The following PHACTR1 variants were observed in gnomAD, a reference collection of about 807,000 sequenced individuals.
PHACTR1 encodes the protein RPEL repeat containing 1.
Under a neutral mutation model 69.2 loss-of-function variants are expected in PHACTR1, and 16 were observed. That is an observed-to-expected ratio of 0.23 (90% CI 0.16 to 0.35). The LOEUF (loss-of-function observed/expected upper bound fraction) is 0.35, where lower values mean the gene tolerates loss of function less well. PHACTR1 is among the 10% of genes least tolerant of loss of function. The probability of loss-of-function intolerance (pLI) is 1.00; values close to 1 mark genes in which losing one functional copy is unlikely to be tolerated. For missense variants in PHACTR1, 510 were observed against 734.7 expected (o/e 0.69, Z 3.54); for synonymous variants, 312 against 284.5 (o/e 1.10, Z -0.97).
intron 4 of PHACTR1, among the ~76,000 whole-genome samples, chr6:12,996,821 A>G (rs1797462606): frequency 1.3e-5 from 2 of 152,240 alleles, no homozygotes; most frequent in South Asian, 4.1e-4. Context: ...AGAAATTCTA[A>G]ATATAATATT....
intron 4 of PHACTR1, among the ~76,000 whole-genome samples, chr6:12,890,048 C>T (rs1784027962): frequency 4.6e-5 from 7 of 152,114 alleles, no homozygotes; most frequent in Admixed American, 4.6e-4. Context: ...GGTGGGGCAG[C>T]AGGAGATGAG....
rs201554952 is a variant in PHACTR1 at position 13,195,779 on chromosome 6, A to AAAAAAAG, written c.665-10035_665-10034insAAAAAGA. Among the ~76,000 whole-genome samples the AAAAAAAG allele has an allele frequency of 2.7e-3, 324 of 118,560 alleles. 26 individuals carry two copies. The highest frequency in any genetic ancestry group is 6.2e-3 in the African/African-American group (192 of 30,938). 77.8% of individuals were successfully genotyped at this position (118,560 alleles called of 152,430 possible). A position where few individuals can be genotyped will look rare whatever the true frequency, so the allele number is the denominator to read the frequency against. On this transcript the variant is annotated intron_variant, in intron 7 of 14. Coordinates refer to ENST00000332995, the MANE Select transcript of PHACTR1 (RefSeq NM_030948.6). ...TCTCAAAAAAAAAAAAAAAAAAAAA[A>AAAAAAAG]AGTTCATTTGTGGTGGTAAGAAGAG... is the stretch of plus-strand genomic sequence containing the variant.
Position 13,247,150 on chromosome 6 carries a change from G to A in PHACTR1, c.1391+16957G>A, listed in dbSNP as rs531351485. ...CATTAAAACAACAGTTATTCAAAAT[G>A]GGCAGCCTCTTTAGTGTCTTTGAAA... On this transcript the variant is annotated intron_variant, in intron 10 of 14. Transcript: ENST00000332995. Among the ~76,000 whole-genome samples the A allele has an allele frequency of 1.1e-3, 173 of 152,202 alleles. 1 individual carries two copies. The highest frequency in any genetic ancestry group is 4.9e-4 in the Non-Finnish European group (33 of 67,998).
intron 5 of PHACTR1, among the ~76,000 whole-genome samples, chr6:13,138,147 C>G (rs1821848826): frequency 1.3e-5 from 2 of 152,068 alleles, no homozygotes; most frequent in South Asian, 4.2e-4. Flanking sequence ...ACTGAAGGGC[C>G]TTAAGGGATG....
At chr6:13,000,375 C>A (rs928025900) in intron 4 of PHACTR1, among the ~76,000 whole-genome samples, 1 of 152,040 alleles carries the variant, frequency 6.6e-6, no homozygotes, top group Non-Finnish European at 1.5e-5. Flanking sequence ...TCGTGAGACC[C>A]CGTCTCTATA....
At chr6:12,792,394 G>A (rs1772411777) in intron 4 of PHACTR1, among the ~76,000 whole-genome samples, 1 of 147,296 alleles carries the variant, frequency 6.8e-6, no homozygotes, top group South Asian at 2.2e-4. Context: ...AACCCGGGAG[G>A]CGGAGGTTGC....
At chr6:12,914,897 T>G (rs1450522252) in intron 4 of PHACTR1, among the ~76,000 whole-genome samples, 1 of 152,158 alleles carries the variant, frequency 6.6e-6, no homozygotes, top group East Asian at 1.9e-4. Flanking sequence ...TGAAGTCCAC[T>G]GGATGATGGA....
At chr6:12,775,216 A>G (rs1351866188) in intron 4 of PHACTR1, among the ~76,000 whole-genome samples, 1 of 152,208 alleles carries the variant, frequency 6.6e-6, no homozygotes, top group Non-Finnish European at 1.5e-5. Context: ...TTTTCAAGTA[A>G]AGAGGTCCTT....
At chr6:12,850,811 C>T (rs1240793161) in intron 4 of PHACTR1, among the ~76,000 whole-genome samples, 1 of 152,180 alleles carries the variant, frequency 6.6e-6, no homozygotes, top group Non-Finnish European at 1.5e-5. Flanking sequence ...CCTCTTCCTG[C>T]ACGTGCCTCT....
At chr6:12,853,563 C>T (rs989102216) in intron 4 of PHACTR1, among the ~76,000 whole-genome samples, 5 of 152,204 alleles carry the variant, frequency 3.3e-5, no homozygotes, top group African/African-American at 9.6e-5. Flanking sequence ...ATACCCAAGA[C>T]TGGGTAATTT....
chr6:12,752,137 G>A (rs1283081185), intron 4 of PHACTR1, among the ~76,000 whole-genome samples: 2 of 152,192 alleles, frequency 1.3e-5, no homozygotes, highest in South Asian at 2.1e-4. Context: ...CACTCCTGGG[G>A]CTTGTTTATT....
chr6:13,194,722 A>G (rs2113802421), intron 7 of PHACTR1, among the ~76,000 whole-genome samples: 1 of 152,364 alleles, frequency 6.6e-6, no homozygotes, highest in African/African-American at 2.4e-5. Flanking sequence ...TGATTTAATC[A>G]TCCCACATTA....
chr6:12,775,913 TAATGATTTATTA>T (rs1161155906), intron 4 of PHACTR1, among the ~76,000 whole-genome samples: 2 of 152,198 alleles, frequency 1.3e-5, no homozygotes, highest in African/African-American at 4.8e-5. Context: ...CTTTATTTAA[TAATGATTTATTA>T]AATGCTTACT....
intron 5 of PHACTR1, among the ~76,000 whole-genome samples, chr6:13,139,558 C>T (rs1229986628): frequency 6.6e-6 from 1 of 152,124 alleles, no homozygotes; most frequent in Non-Finnish European, 1.5e-5. Flanking sequence ...AGGAACTGAA[C>T]TTGAAAGAAC....
intron 3 of PHACTR1, among the ~76,000 whole-genome samples, chr6:12,729,115 C>A (rs79324441): frequency 6.6e-6 from 1 of 152,136 alleles, no homozygotes; most frequent in African/African-American, 2.4e-5. Context: ...GACCCCCACC[C>A]GCCCCATCAC....
intron 10 of PHACTR1, 156 bp from the exon 11 acceptor site, chr6:13,272,704 A>G: frequency 6.4e-7 from 1 of 1,574,712 alleles, no homozygotes; most frequent in Non-Finnish European, 8.6e-7. Flanking sequence ...TGAGGAACTG[A>G]GGAGGCGGTG....
chr6:13,051,353 A>C (rs9473293), intron 4 of PHACTR1, among the ~76,000 whole-genome samples: 1,881 of 152,266 alleles, frequency 0.012, 37 homozygotes, highest in African/African-American at 0.043. Flanking sequence ...ATTTTGGTTG[A>C]ATGTGATAAT....
At chr6:12,788,170 A>G (rs1771781911) in intron 4 of PHACTR1, among the ~76,000 whole-genome samples, 1 of 151,830 alleles carries the variant, frequency 6.6e-6, no homozygotes, top group Non-Finnish European at 1.5e-5. Context: ...ATTAAAAAAA[A>G]AAAAAAACAC....
At chr6:13,278,209 T>C in intron 11 of PHACTR1, 59 bp from the exon 12 acceptor site, 2 of 1,506,894 alleles carry the variant, frequency 1.3e-6, no homozygotes. Context: ...GTCCAAAGGA[T>C]GCACCTGTAC....
Sources: gnomAD v4.1 joint callset for allele counts (sites outside exome capture counted in the v4.1 genomes callset) on GRCh38, gnomAD v4.1.1 for gene constraint, MANE v1.5 for transcripts, NCBI Gene and HGNC (gene_info 2026-07-23, HGNC 2026-07-21) for gene names.